Variants in MYO10 observed in about 807,000 individuals in gnomAD.
The protein encoded by MYO10 is myosin X, also known as unconventional myosin-X.
Under a neutral mutation model 257.3 loss-of-function variants are expected in MYO10, and 133 were observed. The ratio of observed to expected loss-of-function variants is 0.52; its 90% CI spans 0.45 to 0.60. The LOEUF is 0.60. Ranked by LOEUF, MYO10 falls within the 20% of genes least tolerant of loss-of-function variation. The probability of loss-of-function intolerance (pLI) is 0.00; values close to 1 mark genes in which losing one functional copy is unlikely to be tolerated. For missense variants in MYO10, 2,399 were observed against 2,635.7 expected, an observed-to-expected ratio of 0.91 and a Z score of 1.97; for synonymous variants, 1,104 against 1,028.6, an observed-to-expected ratio of 1.07 and a Z score of -1.40.
Position 16,862,411 on chromosome 5 carries a change from A to G in MYO10, c.120+15198T>C, listed in dbSNP as rs114369923. Among the ~76,000 whole-genome samples, 951 of 152,288 alleles carry G rather than the reference A, an allele frequency of 6.2e-3. 14 individuals are homozygous for G. Among genetic ancestry groups the G allele is most frequent in the African/African-American group, 0.022 (898 of 41,554 alleles). ...AATGCAACTCATTCACAGACAGACAATTGCCTGTATTGAACAAACTGCCTC... is the reference window on the plus strand; with the variant it reads ...AATGCAACTCATTCACAGACAGACAGTTGCCTGTATTGAACAAACTGCCTC... On this transcript the variant is annotated intron_variant, in intron 2 of 40. Transcript: ENST00000513610.
intron 3 of MYO10, among the ~76,000 whole-genome samples, chr5:16,796,442 CAGAAAGAAAGAA>C (rs70943805): frequency 2.1e-4 from 25 of 120,816 alleles, no homozygotes; most frequent in Admixed American, 1.2e-3. Context: ...AAAAGAAAGA[CAGAAAGAAAGAA>C]AGAAAGAAAG....
intron 31 of MYO10, 58 bp from the exon 32 acceptor site, chr5:16,681,561 C>T (rs777900065): frequency 2.2e-5 from 32 of 1,477,002 alleles, no homozygotes; most frequent in Non-Finnish European, 2.8e-5. Flanking sequence ...CCAAAGACCA[C>T]ACAATCATCT....
In MYO10 at chr5:16,733,495, G is replaced by A. The variant is rs184682688; in HGVS notation, c.1929+21333C>T. ...TTTTCCTTGAAAATTGCTCAGTGCCGTCTGCTCTGAGATAAATGGTAATTT... is the reference window on the plus strand; with the variant it reads ...TTTTCCTTGAAAATTGCTCAGTGCCATCTGCTCTGAGATAAATGGTAATTT... On this transcript the variant is annotated intron_variant, in intron 19 of 40. Coordinates refer to ENST00000513610, the MANE Select transcript of MYO10 (RefSeq NM_012334.3). Among the ~76,000 whole-genome samples, 70 of 152,224 alleles carry A rather than the reference G, an allele frequency of 4.6e-4. No homozygotes were observed. The East Asian group carries it at 6.9e-3, about 15-fold the overall frequency.
chr5:16,728,087 C>T (rs78058018), intron 19 of MYO10, among the ~76,000 whole-genome samples: 4,097 of 152,260 alleles, frequency 0.027, 82 homozygotes, highest in Non-Finnish European at 0.041. Context: ...TTGAATGCTT[C>T]CTTGAGCTCT....
chr5:16,695,303 C>A (rs1737693122), intron 26 of MYO10, among the ~76,000 whole-genome samples: 1 of 152,074 alleles, frequency 6.6e-6, no homozygotes, highest in Admixed American at 6.5e-5. Context: ...CACTAGACTC[C>A]AGCCTGGGTG....
chr5:16,668,277 C>T lies in MYO10; in HGVS notation c.6075G>A (p.Glu2025=). ...AAGATGAACTTGCTTTGCCTCTTAC[C>T]TCACTGGTTTCAAAGAGCAGCTCCC... is the stretch of plus-strand genomic sequence containing the variant. ...DERELLFETS[E]VVDVAKLMKA... Residue 2025 remains glutamate (E), a splice_region_variant and synonymous_variant, in exon 40 of 41, where the codon GAG becomes GAA. Transcript: ENST00000513610. The T allele has an allele frequency of 1.2e-6, 2 of 1,607,664 alleles. No homozygotes were observed. Among genetic ancestry groups the T allele is most frequent in the East Asian group, 4.5e-5 (2 of 44,814 alleles).
intron 1 of MYO10, among the ~76,000 whole-genome samples, chr5:16,897,104 G>A (rs1745240215): frequency 6.6e-6 from 1 of 151,982 alleles, no homozygotes; most frequent in African/African-American, 2.4e-5. Flanking sequence ...ACAAAATGCT[G>A]GTATATACAC....
intron 27 of MYO10, 64 bp from the exon 28 acceptor site, chr5:16,689,983 G>A: frequency 8.3e-7 from 1 of 1,206,544 alleles, no homozygotes; most frequent in Non-Finnish European, 1.2e-6. Context: ...ACTGAGGAAA[G>A]CAACTAATGA....
chr5:16,766,910 A>C (rs1340760967), intron 10 of MYO10, among the ~76,000 whole-genome samples: 2 of 148,810 alleles, frequency 1.3e-5, no homozygotes, highest in African/African-American at 2.5e-5. Context: ...TTTTTAGTAG[A>C]GACAGGGTTT....
intron 19 of MYO10, among the ~76,000 whole-genome samples, chr5:16,740,786 A>G (rs1273039944): frequency 6.6e-6 from 1 of 152,168 alleles, no homozygotes; most frequent in Non-Finnish European, 1.5e-5. Flanking sequence ...TAAGAGAGGT[A>G]GAAAATATGT....
chr5:16,906,470 T>C (rs1272824830), intron 1 of MYO10, among the ~76,000 whole-genome samples: 1 of 152,166 alleles, frequency 6.6e-6, no homozygotes, highest in African/African-American at 2.4e-5. Context: ...AAATGTCCCC[T>C]GGAGGCAAAA....
intron 1 of MYO10, among the ~76,000 whole-genome samples, chr5:16,893,633 CAAAAAAA>C (rs58021066): frequency 3.5e-4 from 20 of 57,256 alleles, no homozygotes; most frequent in Middle Eastern, 9.8e-3. Flanking sequence ...GACTCTGTCT[CAAAAAAA>C]AAAAAAAAAA....
rs562296763 is a variant in MYO10, at chr5:16,745,580, T to G, written c.1929+9248A>C. Among the ~76,000 whole-genome samples the G allele has an allele frequency of 3.9e-5, 6 of 152,132 alleles. No homozygotes were observed. In the South Asian group the frequency reaches 1.2e-3, roughly 32 times the overall value. ...GGTGTATGCCTGTACTCCCAGCTAT[T>G]TGGGAGGCTGGGGCAGGAGATTGCT... On this transcript the variant is annotated intron_variant, in intron 19 of 40. Transcript: ENST00000513610.
chr5:16,890,309 T>TG (rs1745014599), intron 1 of MYO10, among the ~76,000 whole-genome samples: 1 of 151,866 alleles, frequency 6.6e-6, no homozygotes, highest in Non-Finnish European at 1.5e-5. Flanking sequence ...GCAGCTGCTG[T>TG]GGAAAACAGT....
intron 19 of MYO10, among the ~76,000 whole-genome samples, chr5:16,714,053 T>C (rs1365842269): frequency 6.6e-6 from 1 of 152,210 alleles, no homozygotes; most frequent in African/African-American, 2.4e-5. Flanking sequence ...TTGTAATTCA[T>C]GATCAGGGAA....
At chr5:16,769,822 A>C (rs779112292) in intron 9 of MYO10, among the ~76,000 whole-genome samples, 4 of 152,220 alleles carry the variant, frequency 2.6e-5, no homozygotes, top group Non-Finnish European at 4.4e-5. Flanking sequence ...GACAACAATA[A>C]AGAAACAGTT....
intron 2 of MYO10, 151 bp downstream of exon 2, chr5:16,877,458 A>C: frequency 1.6e-6 from 1 of 624,024 alleles, no homozygotes; most frequent in South Asian, 1.9e-5. Flanking sequence ...CATGGTTTAC[A>C]TTCTACATTC....
At chr5:16,849,706 A>G (rs1237128276) in intron 2 of MYO10, among the ~76,000 whole-genome samples, 1 of 152,228 alleles carries the variant, frequency 6.6e-6, no homozygotes. Flanking sequence ...AAATTAATGT[A>G]CTTATTTCAG....
chr5:16,800,863 C>T (rs901661638), intron 3 of MYO10, among the ~76,000 whole-genome samples: 2 of 151,936 alleles, frequency 1.3e-5, no homozygotes, highest in Admixed American at 6.6e-5. Flanking sequence ...GCGTGGTTAA[C>T]GTAACAGAAG....
Sources: allele counts gnomAD v4.1 joint callset (sites outside exome capture counted in the v4.1 genomes callset), GRCh38; gene constraint gnomAD v4.1.1; transcripts MANE v1.5; gene names NCBI Gene and HGNC (gene_info 2026-07-23, HGNC 2026-07-21).